The following DNAJC10 variants were observed in gnomAD, a reference collection of about 807,000 sequenced individuals.
The protein encoded by DNAJC10 is endoplasmic reticulum disulfide reductase DNAJC10.
A neutral mutation model predicts 115.0 loss-of-function variants in DNAJC10; 101 were observed. That is an observed-to-expected ratio of 0.88 (90% CI 0.75 to 1.04). The LOEUF (loss-of-function observed/expected upper bound fraction) is 1.04. Ranked by LOEUF, DNAJC10 falls within the 50% of genes least tolerant of loss-of-function variation. The pLI, the probability that DNAJC10 is intolerant of heterozygous loss-of-function variation, is 0.00. For synonymous variants in DNAJC10, 307 were observed against 301.5 expected, an observed-to-expected ratio of 1.02 and a Z score of -0.19; for missense variants, 981 against 928.8, an observed-to-expected ratio of 1.06 and a Z score of -0.73.
At chr2:182,746,140 T>C (rs1693859687) in intron 14 of DNAJC10, among the ~76,000 whole-genome samples, 1 of 152,256 alleles carries the variant, frequency 6.6e-6, no homozygotes, top group South Asian at 2.1e-4. Context: ...CTATCATTGT[T>C]GGACATTTGG....
intron 2 of DNAJC10, among the ~76,000 whole-genome samples, chr2:182,717,375 A>C (rs1428520719): frequency 2.6e-5 from 4 of 152,226 alleles, no homozygotes; most frequent in African/African-American, 4.8e-5. Flanking sequence ...ACTTAAATTC[A>C]GTATAAGCAC....
intron 10 of DNAJC10, 118 bp downstream of exon 10, chr2:182,732,660 T>G: frequency 1.0e-6 from 1 of 964,456 alleles, no homozygotes; most frequent in Non-Finnish European, 1.6e-6. Context: ...TTTGTAATCT[T>G]ATTTTCTGAT....
At chr2:182,732,387 C>T in intron 9 of DNAJC10, 112 bp from the exon 10 acceptor site, 1 of 951,406 alleles carries the variant, frequency 1.1e-6, no homozygotes, top group Non-Finnish European at 1.7e-6. Context: ...TAGAGTCCAG[C>T]TCAATTAATT....
Position 182,788,457 on chromosome 2 carries a change from C to G in DNAJC10, c.*11325C>G. On this transcript the variant is annotated 3_prime_UTR_variant, in exon 24 of 24. Coordinates refer to ENST00000264065, the MANE Select transcript of DNAJC10 (RefSeq NM_018981.4). ...GACAAGGTGGATGAGAACTGTAAAT[C>G]ATCAAATAAGTTATAAAACCACCAA... 1 of 210,856 alleles carries G rather than the reference C, an allele frequency of 4.7e-6. No homozygotes were observed. The allele number at this position is 210,856 out of a possible 1,614,324, so 13.1% of individuals were successfully genotyped here.
intron 10 of DNAJC10, among the ~76,000 whole-genome samples, chr2:182,733,328 C>T (rs951938678): frequency 4.0e-5 from 6 of 151,876 alleles, no homozygotes; most frequent in African/African-American, 1.4e-4. Flanking sequence ...ATTAAAATCA[C>T]TAACTTAGTA....
At chr2:182,730,855 A>G (rs565038509) in intron 8 of DNAJC10, among the ~76,000 whole-genome samples, 175 bp from the exon 9 acceptor site, 11 of 152,272 alleles carry the variant, frequency 7.2e-5, no homozygotes, top group Admixed American at 5.2e-4. Flanking sequence ...AAAAAATTGG[A>G]GAGCCATTGA....
intron 9 of DNAJC10, among the ~76,000 whole-genome samples, 163 bp from the exon 10 acceptor site, chr2:182,732,336 T>G (rs288282): frequency 0.5 from 75,484 of 151,464 alleles, 20,114 homozygotes; most frequent in Middle Eastern, 0.65. Flanking sequence ...GTGTGTGTGT[T>G]TGTATGTGTG....
chr2:182,740,015 T>A, intron 11 of DNAJC10: 1 of 1,006,664 alleles, frequency 9.9e-7, no homozygotes, highest in Non-Finnish European at 1.2e-6. Context: ...TGAGCATTTT[T>A]ATAGAATACA....
chr2:182,757,127 A>G (rs1449483141), intron 18 of DNAJC10, among the ~76,000 whole-genome samples: 1 of 152,228 alleles, frequency 6.6e-6, no homozygotes, highest in East Asian at 1.9e-4. Flanking sequence ...ATTTCCTGAA[A>G]ATAGGCACCA....
At chr2:182,741,412 A>C in intron 13 of DNAJC10, 56 bp downstream of exon 13, 2 of 785,832 alleles carry the variant, frequency 2.5e-6, no homozygotes, top group Non-Finnish European at 3.9e-6. Context: ...TGTTAATTTA[A>C]TGCATATAAT....
intron 22 of DNAJC10, among the ~76,000 whole-genome samples, chr2:182,774,226 C>G (rs1008494273): frequency 1.3e-5 from 2 of 152,184 alleles, no homozygotes; most frequent in Non-Finnish European, 2.9e-5. Flanking sequence ...GAAGCTTTGT[C>G]CCAGAAGGGC....
rs113140619 is a variant in DNAJC10, at chr2:182,767,931, C to G, written c.2265+5130C>G. Among the ~76,000 whole-genome samples the G allele has an allele frequency of 6.6e-4, 101 of 152,230 alleles. 1 individual carries two copies. The highest frequency in any genetic ancestry group is 2.4e-3 in the African/African-American group (100 of 41,546). On this transcript the variant is annotated intron_variant, in intron 22 of 23. Coordinates refer to ENST00000264065, the MANE Select transcript of DNAJC10 (RefSeq NM_018981.4). ...TACATTCTCATGCACAAATAACATA[C>G]ACACAGTGCCTCGGTATTTTTCCAT...
In DNAJC10 at chr2:182,720,041, T is replaced by C; in HGVS notation, c.239T>C (p.Ile80Thr). 1.3e-6 allele frequency: 2 copies of C among 1,583,762 alleles called. No homozygotes were observed. The highest frequency in any genetic ancestry group is 1.7e-6 in the Non-Finnish European group (2 of 1,158,198). Residue 80 changes from isoleucine to threonine, a missense_variant, in exon 4 of 24, where the codon ATA (isoleucine) becomes ACA (threonine). Physicochemically the swap from Ile to Thr is moderately conservative, Grantham distance 89. Coordinates refer to ENST00000264065, the MANE Select transcript of DNAJC10 (RefSeq NM_018981.4). ...NPNAHGDFLKINRAYEVLKDE... is the reference protein window; with the variant it reads ...NPNAHGDFLKTNRAYEVLKDE... ...AATGCACATGGCGATTTTTTAAAAA[T>C]AAATAGAGCATATGAAGTACTCAAA...
Position 182,751,671 on chromosome 2 carries a change from A to G in DNAJC10, c.1320A>G (p.Leu440=), listed in dbSNP as rs61748253. The G allele has an allele frequency of 7.4e-3, 11,998 of 1,613,598 alleles. 56 individuals are homozygous for G. The highest frequency in any genetic ancestry group is 8.9e-3 in the Non-Finnish European group (10,506 of 1,179,798). Residue 440 remains leucine, a synonymous_variant, in exon 15 of 24, where the codon CTA becomes CTG. Transcript: ENST00000264065. ...EYEIHHGKKI[L]YDILAFAKES... ...TCACTTTGAAAGGAAAGAAGATTCTATATGATATACTTGCCTTTGCCAAAG... is the reference window on the plus strand; with the variant it reads ...TCACTTTGAAAGGAAAGAAGATTCTGTATGATATACTTGCCTTTGCCAAAG...
chr2:182,732,029 T>G (rs566786834), intron 9 of DNAJC10, among the ~76,000 whole-genome samples: 2 of 152,272 alleles, frequency 1.3e-5, no homozygotes, highest in African/African-American at 4.8e-5. Context: ...CTTCTAAATC[T>G]TCTCTCATTG....
In DNAJC10 at chr2:182,717,064, C is replaced by T. The variant is rs1185094085; in HGVS notation, c.-155C>T. 6.6e-6 allele frequency: 1 copy of T among 152,126 alleles called. No homozygotes were observed. 9.4% of individuals were successfully genotyped at this position (152,126 alleles called of 1,614,324 possible). A position where few individuals can be genotyped will look rare whatever the true frequency, so the allele number is the denominator to read the frequency against. ...GAAGTATTAGAAATGAGCTGAAGAC[C>T]ATTCACAGGTAAAGAGAAAAATTTT... On this transcript the variant is annotated 5_prime_UTR_variant, in exon 2 of 24. Transcript: ENST00000264065.
chr2:182,725,677 G>C (rs571147410), intron 5 of DNAJC10, among the ~76,000 whole-genome samples: 2 of 152,256 alleles, frequency 1.3e-5, no homozygotes, highest in African/African-American at 4.8e-5. Flanking sequence ...AGCTAGAAAA[G>C]GTTGGTTCAT....
chr2:182,737,386 A>G (rs1047342233), intron 11 of DNAJC10, among the ~76,000 whole-genome samples: 1 of 152,232 alleles, frequency 6.6e-6, no homozygotes, highest in Non-Finnish European at 1.5e-5. Flanking sequence ...AGAAATTCAT[A>G]TATGGCACAG....
chr2:182,732,916 T>A (rs1412871247), intron 10 of DNAJC10, among the ~76,000 whole-genome samples: 4 of 152,158 alleles, frequency 2.6e-5, no homozygotes, highest in African/African-American at 9.6e-5. Flanking sequence ...CTGAGTGATG[T>A]TGATTTTTTA....
Sources: gnomAD v4.1 joint callset for allele counts (sites outside exome capture counted in the v4.1 genomes callset) on GRCh38, gnomAD v4.1.1 for gene constraint, MANE v1.5 for transcripts, NCBI Gene and HGNC (gene_info 2026-07-23, HGNC 2026-07-21) for gene names.